Variants in CENPN observed in about 807,000 individuals in gnomAD.
CENPN encodes the protein centromere protein N, also known as interphase centromere complex protein 32.
In CENPN, 36 loss-of-function variants were observed where a neutral mutation model predicts 48.6. The observed-to-expected ratio is 0.74, with a 90% confidence interval of 0.57 to 0.98. The LOEUF is 0.98. CENPN is among the 50% of genes least tolerant of loss of function. The probability of loss-of-function intolerance (pLI) is 0.00; values close to 1 mark genes in which losing one functional copy is unlikely to be tolerated. For missense variants in CENPN, 439 were observed against 399.2 expected, an observed-to-expected ratio of 1.10 and a Z score of -0.85; for synonymous variants, 166 against 135.2, an observed-to-expected ratio of 1.23 and a Z score of -1.58.
At chr16:81,015,863 C>T (rs1207994359) in intron 3 of CENPN, among the ~76,000 whole-genome samples, 2 of 152,058 alleles carry the variant, frequency 1.3e-5, no homozygotes, top group Non-Finnish European at 1.5e-5. Context: ...AAAAATTAGC[C>T]GGGCATGATG....
chr16:81,012,183 C>A, intron 2 of CENPN, 73 bp downstream of exon 2: 9 of 1,342,084 alleles, frequency 6.7e-6, no homozygotes, highest in Non-Finnish European at 8.3e-6. Flanking sequence ...CTATTCCTTA[C>A]TCCAAAAGAG....
chr16:81,017,966 A>G (rs1323453039), intron 5 of CENPN, 132 bp downstream of exon 5: 65 of 581,996 alleles, frequency 1.1e-4, no homozygotes, highest in Non-Finnish European at 1.6e-4. Flanking sequence ...GTTCTACTCC[A>G]TATCAGAAAC....
At chr16:81,011,462 C>T (rs1164887610) in intron 1 of CENPN, among the ~76,000 whole-genome samples, 2 of 152,140 alleles carry the variant, frequency 1.3e-5, no homozygotes, top group African/African-American at 2.4e-5. Context: ...AAGGGCCTGG[C>T]ATGCACAGAT....
Position 81,028,577 on chromosome 16 carries a change from G to A in CENPN, c.946G>A (p.Asp316Asn). 6.3e-7 allele frequency: 1 copy of A among 1,599,192 alleles called. No homozygotes were observed. The highest frequency in any genetic ancestry group is 8.5e-7 in the Non-Finnish European group (1 of 1,172,358). ...TTTTTTTTTAATTTCAGGTATTGCAGATGCTCCACTTTCTCCACTGCTCAC... is the reference window on the plus strand; with the variant it reads ...TTTTTTTTTAATTTCAGGTATTGCAAATGCTCCACTTTCTCCACTGCTCAC... Reference protein sequence around the residue: ...LKSLAPAGIADAPLSPLLTCI... With the variant: ...LKSLAPAGIANAPLSPLLTCI... Residue 316 changes from aspartate to asparagine, a missense_variant, in exon 11 of 11, where the codon GAT becomes AAT. By Grantham distance (23) the Asp-to-Asn change is conservative. Transcript: ENST00000305850.
chr16:81,014,855 A>G (rs1244187965), intron 3 of CENPN, among the ~76,000 whole-genome samples: 1 of 152,216 alleles, frequency 6.6e-6, no homozygotes, highest in African/African-American at 2.4e-5. Flanking sequence ...AACAGAAACC[A>G]TACTTTGAGT....
chr16:81,031,631 C>G (rs1482221293), downstream of CENPN: 1 of 152,234 alleles, frequency 6.6e-6, no homozygotes, highest in African/African-American at 2.4e-5. Flanking sequence ...TTCCACACCT[C>G]TCCCATGGCC....
At position 81,029,430 on chromosome 16, in the gene CENPN, C is replaced by CAATAA; in HGVS notation, c.*780_*781insATAAA. 2 of 427,866 alleles carry CAATAA rather than the reference C, an allele frequency of 4.7e-6. No individual in the cohort carries two copies. The highest frequency in any genetic ancestry group is 6.2e-6 in the Non-Finnish European group (2 of 320,484). The allele number at this position is 427,866 out of a possible 1,614,324, so 26.5% of individuals were successfully genotyped here. A position where few individuals can be genotyped will look rare whatever the true frequency, so the allele number is the denominator to read the frequency against. On this transcript the variant is annotated 3_prime_UTR_variant, in exon 11 of 11. Coordinates refer to ENST00000305850, the MANE Select transcript of CENPN (RefSeq NM_001100624.3). ...TTATTTATTTATTGAGACAGGGTCTCACTGTGTCACCCAAGCTGGAGTGCA... is the reference window on the plus strand; with the variant it reads ...TTATTTATTTATTGAGACAGGGTCTCAATAAACTGTGTCACCCAAGCTGGAGTGCA...
chr16:81,025,708 T>C (rs1286805709), intron 8 of CENPN, among the ~76,000 whole-genome samples: 1 of 68,260 alleles, frequency 1.5e-5, no homozygotes, highest in African/African-American at 4.2e-5. Context: ...TTTTTTTTTT[T>C]TTTTTTTTTT....
At position 81,029,403 on chromosome 16, in the gene CENPN, C is replaced by CTTTA. The variant is rs971392239; in HGVS notation, c.*763_*766dup. 3 of 637,984 alleles carry CTTTA rather than the reference C, an allele frequency of 4.7e-6. No homozygotes were observed. The highest frequency in any genetic ancestry group is 5.8e-6 in the Non-Finnish European group (3 of 513,378). 39.5% of individuals were successfully genotyped at this position (637,984 alleles called of 1,614,324 possible). A position where few individuals can be genotyped will look rare whatever the true frequency, so the allele number is the denominator to read the frequency against. Reference sequence around the variant, plus strand: ...TTTTTTCCTTTCTAATTTTTTATTTCTTTATTTATTTATTGAGACAGGGTC... The same window carrying CTTTA: ...TTTTTTCCTTTCTAATTTTTTATTTCTTTATTTATTTATTTATTGAGACAGGGTC... On this transcript the variant is annotated 3_prime_UTR_variant, in exon 11 of 11. Transcript: ENST00000305850.
chr16:81,018,129 C>T (rs926075228), intron 5 of CENPN, among the ~76,000 whole-genome samples: 1 of 151,976 alleles, frequency 6.6e-6, no homozygotes, highest in South Asian at 2.1e-4. Flanking sequence ...CATGTAGCTG[C>T]TGAGCACTTG....
At chr16:81,017,612 C>T (rs188232348) in intron 4 of CENPN, 146 bp from the exon 5 acceptor site, 1 of 697,160 alleles carries the variant, frequency 1.4e-6, no homozygotes, top group East Asian at 2.7e-5. Flanking sequence ...GGTGCCATGT[C>T]AGAAGTACTA....
At chr16:81,032,494 T>G, downstream of CENPN, 2 of 1,447,926 alleles carry the variant, frequency 1.4e-6, no homozygotes, top group African/African-American at 1.4e-5. Context: ...ACCAGGCACG[T>G]TAATAAAACT....
Position 81,028,688 on chromosome 16 carries a change from T to C in CENPN, c.*37T>C. The stretch of plus-strand genomic sequence containing the variant: ...TTTCTTAAGCACAGCTCCTCCTTCT[T>C]GATATTGCACATGCACTTCAGTTCA... On this transcript the variant is annotated 3_prime_UTR_variant, in exon 11 of 11. Coordinates refer to ENST00000305850, the MANE Select transcript of CENPN (RefSeq NM_001100624.3). The C allele has an allele frequency of 6.3e-7, 1 of 1,595,888 alleles. No individual in the cohort carries two copies. Among genetic ancestry groups the C allele is most frequent in the Admixed American group, 1.8e-5 (1 of 54,572 alleles).
chr16:81,014,294 A>G, intron 3 of CENPN, 113 bp downstream of exon 3: 1 of 820,704 alleles, frequency 1.2e-6, no homozygotes, highest in Non-Finnish European at 2.1e-6. Flanking sequence ...GAGTGCAGTA[A>G]CGCCATCTCA....
rs1567549482 is a variant in CENPN, at chr16:81,017,289, T to C, written c.218-37T>C. 4 of 1,391,966 alleles carry C rather than the reference T, an allele frequency of 2.9e-6. No homozygotes were observed. In the Admixed American group the frequency reaches 5.1e-5, roughly 18 times the overall value. 86.2% of individuals were successfully genotyped at this position (1,391,966 alleles called of 1,614,324 possible). A position where few individuals can be genotyped will look rare whatever the true frequency, so the allele number is the denominator to read the frequency against. On this transcript the variant is annotated intron_variant, in intron 3 of 10. Transcript: ENST00000305850. ...ATAAGCATATTACTTCAAAGTTCTA[T>C]GATATGCTAGTAATAAAGCTTTCTT... is the stretch of plus-strand genomic sequence containing the variant.
chr16:81,024,710 C>T lies in CENPN; in HGVS notation c.634-5C>T. 6.3e-7 allele frequency: 1 copy of T among 1,597,408 alleles called. No homozygotes were observed. Among genetic ancestry groups the T allele is most frequent in the East Asian group, 2.2e-5 (1 of 44,578 alleles). ...TTAGTAAAATATTCACTTTTTTTTC[C>T]CTAGACCTTTGAAACTCACAACTCT... On this transcript the variant is annotated splice_polypyrimidine_tract_variant and splice_region_variant and intron_variant, in intron 7 of 10. Coordinates refer to ENST00000305850, the MANE Select transcript of CENPN (RefSeq NM_001100624.3).
chr16:81,012,927 C>T (rs1969799608), intron 2 of CENPN, among the ~76,000 whole-genome samples: 1 of 151,956 alleles, frequency 6.6e-6, no homozygotes. Flanking sequence ...ACTTTTTGAC[C>T]TAGCAATTCT....
chr16:81,007,586 G>T (rs1409887758), intron 1 of CENPN: 1 of 152,520 alleles, frequency 6.6e-6, no homozygotes, highest in Admixed American at 6.5e-5. Flanking sequence ...CGATCCTGGG[G>T]TTGCTTCCTT....
In CENPN at chr16:81,028,257, C is replaced by T; in HGVS notation, c.897C>T (p.Ser299=). Residue 299 remains serine (S), a synonymous_variant, in exon 10 of 11, where the codon AGC becomes AGT. Transcript: ENST00000305850. ...EPLRCLIKFS[S]PHLLEALKSL... ...TCCGATGCCTAATAAAGTTCTCTAG[C>T]CCACATCTTCTGGAAGCATTGAAAT... The T allele has an allele frequency of 3.1e-6, 5 of 1,614,050 alleles. No homozygotes were observed. Among genetic ancestry groups the T allele is most frequent in the Non-Finnish European group, 4.2e-6 (5 of 1,179,892 alleles).
Sources: allele counts gnomAD v4.1 joint callset (sites outside exome capture counted in the v4.1 genomes callset), GRCh38; gene constraint gnomAD v4.1.1; transcripts MANE v1.5; gene names NCBI Gene and HGNC (gene_info 2026-07-23, HGNC 2026-07-21).